CACNA1C: variants seen among roughly 807,000 people sequenced by gnomAD.
CACNA1C encodes voltage-dependent L-type calcium channel subunit alpha-1C.
In CACNA1C, 30 loss-of-function variants were observed where a neutral mutation model predicts 229.0. The ratio of observed to expected loss-of-function variants is 0.13; its 90% CI spans 0.10 to 0.18. The LOEUF (loss-of-function observed/expected upper bound fraction) is 0.18. Among genes scored for constraint, CACNA1C ranks in the 10% least tolerant of loss-of-function variants. CACNA1C has a pLI of 1.00. For synonymous variants in CACNA1C, 1,114 were observed against 1,132.5 expected, an observed-to-expected ratio of 0.98 and a Z score of 0.33; for missense variants, 1,658 against 2,845.0, an observed-to-expected ratio of 0.58 and a Z score of 9.49.
At chr12:2,478,255 A>G (rs2099641130) in intron 5 of CACNA1C, among the ~76,000 whole-genome samples, 3 of 152,254 alleles carry the variant, frequency 2.0e-5, no homozygotes, top group Admixed American at 2.0e-4. Flanking sequence ...GAATATTATC[A>G]CTGAGGATAA....
chr12:2,125,653 C>T (rs1191669691), intron 3 of CACNA1C, among the ~76,000 whole-genome samples: 1 of 152,132 alleles, frequency 6.6e-6, no homozygotes, highest in Non-Finnish European at 1.5e-5. Context: ...CCCAGAGATT[C>T]TGACTCTGGA....
At chr12:2,009,589 G>C (rs1037660262) in intron 1 of CACNA1C, among the ~76,000 whole-genome samples, 5 of 152,178 alleles carry the variant, frequency 3.3e-5, no homozygotes, top group Non-Finnish European at 5.9e-5. Context: ...AAGAATTTGT[G>C]ATTCTGAGAT....
chr12:2,237,260 C>T (rs2067786631), intron 3 of CACNA1C, among the ~76,000 whole-genome samples: 1 of 152,210 alleles, frequency 6.6e-6, no homozygotes, highest in African/African-American at 2.4e-5. Flanking sequence ...TATCTCTTCT[C>T]TTTCTGCCTC....
At chr12:2,198,351 CAGG>C (rs1485249788) in intron 3 of CACNA1C, among the ~76,000 whole-genome samples, 3 of 152,182 alleles carry the variant, frequency 2.0e-5, no homozygotes, top group African/African-American at 7.2e-5. Flanking sequence ...TGTTGGCGGC[CAGG>C]AGAATTCCTT....
At chr12:2,006,362 C>T (rs2043460231) in intron 1 of CACNA1C, among the ~76,000 whole-genome samples, 2 of 152,062 alleles carry the variant, frequency 1.3e-5, no homozygotes, top group South Asian at 4.1e-4. Flanking sequence ...GAGCCGAGAT[C>T]CTGCCACTGC....
intron 6 of CACNA1C, among the ~76,000 whole-genome samples, chr12:2,491,693 C>T (rs1164041987): frequency 6.6e-6 from 1 of 152,138 alleles, no homozygotes; most frequent in Non-Finnish European, 1.5e-5. Flanking sequence ...GCTGGGAAGA[C>T]ACAATCGGGC....
intron 3 of CACNA1C, among the ~76,000 whole-genome samples, chr12:2,333,366 G>A (rs1305790992): frequency 6.6e-6 from 1 of 152,192 alleles, no homozygotes. Context: ...GCCCATGGTG[G>A]GTGAACTGGG....
At chr12:2,437,872 A>G (rs1253686942) in intron 3 of CACNA1C, among the ~76,000 whole-genome samples, 99 of 101,556 alleles carry the variant, frequency 9.7e-4, no homozygotes, top group South Asian at 3.4e-3. Context: ...TGGTGGTGGT[A>G]ATGGTGGTGG....
At chr12:2,614,630 G>A (rs1443772080) in intron 29 of CACNA1C, 1 of 152,184 alleles carries the variant, frequency 6.6e-6, no homozygotes, top group South Asian at 2.1e-4. Flanking sequence ...CCATTAAGTA[G>A]GACTCTGTGC....
intron 3 of CACNA1C, among the ~76,000 whole-genome samples, chr12:2,432,952 G>A (rs2099100453): frequency 1.3e-5 from 2 of 152,186 alleles, no homozygotes; most frequent in Admixed American, 6.5e-5. Flanking sequence ...AGGCTGTGAT[G>A]AGGGGAAGTC....
chr12:2,038,856 C>T (rs779903277), intron 1 of CACNA1C, among the ~76,000 whole-genome samples: 6 of 152,068 alleles, frequency 3.9e-5, no homozygotes, highest in Non-Finnish European at 7.4e-5. Flanking sequence ...TACAGCAACA[C>T]CCTGACTGTC....
rs114913119 is a variant in CACNA1C, at chr12:2,348,400, C to T, written c.478-100576C>T. ...ACTGAGTCACGCGGCTTCTTAGCAA[C>T]TTAGTCAATCCAAACGTGGAGGTGA... On this transcript the variant is annotated intron_variant, in intron 3 of 46. Transcript: ENST00000399655. This position sits in a 1 kb window ranked among gnomAD's most constrained non-coding sequence, Gnocchi z 4.7. 7.8e-3 allele frequency among the ~76,000 whole-genome samples: 1,194 copies of T among 152,326 alleles called. 16 individuals carry two copies. The highest frequency in any genetic ancestry group is 0.027 in the African/African-American group (1,125 of 41,572).
chr12:2,518,607 C>CAA (rs749239155), intron 9 of CACNA1C, among the ~76,000 whole-genome samples: 2 of 102,920 alleles, frequency 1.9e-5, no homozygotes, highest in African/African-American at 3.7e-5. Flanking sequence ...GACGCTGTCT[C>CAA]AAAAAAAAAA....
rs113494472 is a variant in CACNA1C, at chr12:2,237,020, T to C, written c.477+116590T>C. 0.013 allele frequency among the ~76,000 whole-genome samples: 1,966 copies of C among 152,316 alleles called. 47 individuals are homozygous for C. Among genetic ancestry groups the C allele is most frequent in the African/African-American group, 0.045 (1,870 of 41,562 alleles). On this transcript the variant is annotated intron_variant, in intron 3 of 46. Coordinates refer to ENST00000399655, the MANE Select transcript of CACNA1C (RefSeq NM_000719.7). ...CTTGTTCTTCTGGTTTGAGTTTTGG[T>C]AGATAAGCACATCTGAGTCTTGCTG... is the stretch of plus-strand genomic sequence containing the variant.
Position 2,348,509 on chromosome 12 carries a change from T to C in CACNA1C, c.478-100467T>C, listed in dbSNP as rs893685600. Among the ~76,000 whole-genome samples the C allele has an allele frequency of 6.6e-6, 1 of 152,190 alleles. No homozygotes were observed. Among genetic ancestry groups the C allele is most frequent in the Admixed American group, 6.5e-5 (1 of 15,276 alleles). ...ACAGCACCTGGTTTAGGGCTACAAA[T>C]AGTCTCCCCGAGGGAATGGGCTCAT... On this transcript the variant is annotated intron_variant, in intron 3 of 46. Coordinates refer to ENST00000399655, the MANE Select transcript of CACNA1C (RefSeq NM_000719.7). This position sits in a 1 kb window ranked among gnomAD's most constrained non-coding sequence, Gnocchi z 4.7.
intron 3 of CACNA1C, among the ~76,000 whole-genome samples, chr12:2,351,201 G>C (rs900555129): frequency 1.3e-5 from 2 of 152,160 alleles, no homozygotes; most frequent in Non-Finnish European, 2.9e-5. Context: ...CTACCCACTG[G>C]GTACCAGTAG....
rs781467898 is a variant in CACNA1C at position 2,486,366 on chromosome 12, G to A, written c.916+104G>A. 6.4e-5 allele frequency: 59 copies of A among 919,464 alleles called. No homozygotes were observed. The highest frequency in any genetic ancestry group is 8.9e-5 in the Non-Finnish European group (55 of 619,852). 57.0% of individuals were successfully genotyped at this position (919,464 alleles called of 1,614,324 possible). On this transcript the variant is annotated intron_variant, in intron 6 of 46. Coordinates refer to ENST00000399655, the MANE Select transcript of CACNA1C (RefSeq NM_000719.7). This position sits in a 1 kb window ranked among gnomAD's most constrained non-coding sequence, Gnocchi z 4.9. ...AACATGACCAGCAGAGCCCAGGGAA[G>A]GCCCCATTCATTCAGACACACACTG...
chr12:2,501,773 G>C (rs763450373), intron 7 of CACNA1C, among the ~76,000 whole-genome samples: 1 of 152,182 alleles, frequency 6.6e-6, no homozygotes, highest in South Asian at 2.1e-4. Context: ...TTACCTTATC[G>C]CTAAAGGAAA....
intron 45 of CACNA1C, among the ~76,000 whole-genome samples, chr12:2,686,504 C>G (rs76096427): frequency 6.6e-6 from 1 of 152,244 alleles, no homozygotes. Context: ...TGCACAGGAG[C>G]TCTTTGTGTG....
Sources: gnomAD v4.1 joint callset for allele counts (sites outside exome capture counted in the v4.1 genomes callset) on GRCh38, gnomAD v4.1.1 for gene constraint, Gnocchi (gnomAD v3.1) non-coding constraint, MANE v1.5 for transcripts, NCBI Gene and HGNC (gene_info 2026-07-23, HGNC 2026-07-21) for gene names.